The following SLC25A13 variants were observed in gnomAD, a reference collection of about 807,000 sequenced individuals.
SLC25A13 encodes electrogenic aspartate/glutamate antiporter SLC25A13, mitochondrial.
Under a neutral mutation model 85.5 loss-of-function variants are expected in SLC25A13, and 70 were observed. The observed-to-expected ratio is 0.82, with a 90% CI of 0.68 to 1.00. The LOEUF (loss-of-function observed/expected upper bound fraction) is 1.00. Ranked by LOEUF, SLC25A13 falls within the 50% of genes least tolerant of loss-of-function variation. The pLI, the probability that SLC25A13 is intolerant of heterozygous loss-of-function variation, is 0.00. For synonymous variants in SLC25A13, 259 were observed against 288.7 expected (o/e 0.90, Z 1.04); for missense variants, 765 against 819.8 (o/e 0.93, Z 0.82).
rs1481479280 is a variant in SLC25A13 at position 96,322,048 on chromosome 7, CGGCGGTGGG to C, written c.-101_-93del. On this transcript the variant is annotated 5_prime_UTR_variant, in exon 1 of 18. Transcript: ENST00000265631. Reference sequence around the variant, plus strand: ...GGCTCACTTCTAGTCCCGGCGGCGGCGGCGGTGGGGGCGGCGATACGGCCAGGCAGCGTG... The same window carrying C: ...GGCTCACTTCTAGTCCCGGCGGCGGCGGCGGCGATACGGCCAGGCAGCGTG... The C allele has an allele frequency of 2.0e-6, 3 of 1,494,168 alleles. No individual in the cohort carries two copies. The East Asian group carries it at 8.0e-5, about 40-fold the overall frequency. The allele number at this position is 1,494,168 out of a possible 1,614,324, so 92.6% of individuals were successfully genotyped here.
At chr7:96,264,010 C>T (rs947209922) in intron 3 of SLC25A13, among the ~76,000 whole-genome samples, 4 of 152,120 alleles carry the variant, frequency 2.6e-5, no homozygotes, top group East Asian at 3.9e-4. Context: ...TCCCTCATTG[C>T]GTCCTACCCA....
intron 15 of SLC25A13, among the ~76,000 whole-genome samples, chr7:96,131,234 T>C (rs1157255075): frequency 1.3e-5 from 2 of 152,376 alleles, no homozygotes; most frequent in East Asian, 1.9e-4. Flanking sequence ...TATTTCCATC[T>C]GTGATTTAAT....
Position 96,146,672 on chromosome 7 carries a change from T to G in SLC25A13, c.1336A>C (p.Thr446Pro), listed in dbSNP as rs200237622. The change falls in exon 14 of 18, where the codon ACA becomes CCA. Residue 446 changes from threonine to proline, a missense_variant. By Grantham distance (38) the Thr-to-Pro change is conservative. Transcript: ENST00000265631. ...ATCTTGACGATTTCTAAAGGATTTGTGAAAATCACCTGGGAGCCTCCAGCC... is the reference window on the plus strand; with the variant it reads ...ATCTTGACGATTTCTAAAGGATTTGGGAAAATCACCTGGGAGCCTCCAGCC... ...GCAGGSQVIF[T>P]NPLEIVKIRL... 3.5e-5 allele frequency: 56 copies of G among 1,613,920 alleles called. No homozygotes were observed. The highest frequency in any genetic ancestry group is 5.0e-5 in the Admixed American group (3 of 59,988).
At chr7:96,169,939 A>G (rs998025252) in intron 13 of SLC25A13, 106 bp downstream of exon 13, 7 of 1,151,630 alleles carry the variant, frequency 6.1e-6, no homozygotes, top group Non-Finnish European at 7.9e-6. Context: ...GCCCTTGTGC[A>G]GGATCTGTGG....
intron 9 of SLC25A13, among the ~76,000 whole-genome samples, chr7:96,188,997 A>G (rs1794739494): frequency 6.6e-6 from 1 of 152,180 alleles, no homozygotes; most frequent in African/African-American, 2.4e-5. Flanking sequence ...ATCTCTCAAC[A>G]TGAGACTTCA....
At chr7:96,300,950 T>C (rs1799527300) in intron 1 of SLC25A13, among the ~76,000 whole-genome samples, 1 of 152,244 alleles carries the variant, frequency 6.6e-6, no homozygotes, top group Admixed American at 6.5e-5. Flanking sequence ...CTTCTTGTTT[T>C]AAGTGTCATT....
intron 2 of SLC25A13, among the ~76,000 whole-genome samples, chr7:96,285,578 CT>C (rs1798854479): frequency 6.6e-6 from 1 of 152,150 alleles, no homozygotes; most frequent in South Asian, 2.1e-4. Context: ...TCCTAAGGGC[CT>C]TCCCTGACCA....
At position 96,176,006 on chromosome 7, in the gene SLC25A13, C is replaced by G. The variant is rs1794204303; in HGVS notation, c.1178-4482G>C. ...AAGGTGACTGGATTATAATCTGAGG[C>G]CCACTACAGATGTGGGCCTTGAAAA... On this transcript the variant is annotated intron_variant, in intron 11 of 17. Coordinates refer to ENST00000265631, the MANE Select transcript of SLC25A13 (RefSeq NM_014251.3). Among the ~76,000 whole-genome samples, 4 of 152,150 alleles carry G rather than the reference C, an allele frequency of 2.6e-5. No homozygotes were observed. The South Asian group carries it at 8.3e-4, about 32-fold the overall frequency.
chr7:96,208,205 T>C (rs1351130448), intron 5 of SLC25A13, among the ~76,000 whole-genome samples: 1 of 152,206 alleles, frequency 6.6e-6, no homozygotes, highest in African/African-American at 2.4e-5. Flanking sequence ...TTTTAAGTTG[T>C]AATTTTGCCC....
rs1799184482 is a variant in SLC25A13 at position 96,292,933 on chromosome 7, A to G, written c.69+3965T>C. 2.0e-5 allele frequency among the ~76,000 whole-genome samples: 3 copies of G among 152,346 alleles called. No homozygotes were observed. In the South Asian group the frequency reaches 6.2e-4, roughly 32 times the overall value. ...TCACAGAATTGGAAAAAACTACTTT[A>G]AAGTTCATATGGAACCAAAAAAGAG... On this transcript the variant is annotated intron_variant, in intron 2 of 17. Transcript: ENST00000265631.
intron 13 of SLC25A13, among the ~76,000 whole-genome samples, chr7:96,169,573 T>C (rs1207606989): frequency 7.9e-5 from 12 of 152,264 alleles, no homozygotes. Context: ...CAGCCAGTTA[T>C]TTCCCAGCAT....
chr7:96,200,648 G>A (rs1385720111), intron 5 of SLC25A13, among the ~76,000 whole-genome samples: 1 of 151,964 alleles, frequency 6.6e-6, no homozygotes, highest in African/African-American at 2.4e-5. Flanking sequence ...TGGAAGCAGT[G>A]TCACATGTGG....
chr7:96,219,594 A>C, intron 4 of SLC25A13: 1 of 474,156 alleles, frequency 2.1e-6, no homozygotes, highest in East Asian at 6.4e-5. Context: ...GTTCATTTGA[A>C]GTAGGAACTA....
chr7:96,144,986 G>A (rs1792720627), intron 14 of SLC25A13, among the ~76,000 whole-genome samples: 1 of 152,080 alleles, frequency 6.6e-6, no homozygotes, highest in African/African-American at 2.4e-5. Context: ...GACTGCAAGA[G>A]CCTAAAAATT....
chr7:96,175,262 G>T (rs1395692442), intron 11 of SLC25A13, among the ~76,000 whole-genome samples: 2 of 152,224 alleles, frequency 1.3e-5, no homozygotes, highest in Non-Finnish European at 2.9e-5. Flanking sequence ...CCAGGCAGAG[G>T]AAACAGTTGG....
intron 1 of SLC25A13, among the ~76,000 whole-genome samples, chr7:96,318,457 G>A (rs530138490): frequency 1.3e-5 from 2 of 152,146 alleles, no homozygotes; most frequent in South Asian, 2.1e-4. Context: ...ATCTAACAAG[G>A]GAACCCACAA....
intron 5 of SLC25A13, among the ~76,000 whole-genome samples, chr7:96,197,885 T>A (rs1795119681): frequency 6.6e-6 from 1 of 152,166 alleles, no homozygotes; most frequent in Non-Finnish European, 1.5e-5. Context: ...AGGCTGCCCC[T>A]CTATTTCTTT....
intron 13 of SLC25A13, among the ~76,000 whole-genome samples, chr7:96,152,737 T>C (rs1268907562): frequency 6.6e-6 from 1 of 152,032 alleles, no homozygotes; most frequent in Non-Finnish European, 1.5e-5. Context: ...CGAGAGACCA[T>C]GAAGTGATGA....
intron 3 of SLC25A13, among the ~76,000 whole-genome samples, chr7:96,263,200 T>A (rs1236487318): frequency 2.6e-5 from 4 of 151,114 alleles, no homozygotes; most frequent in African/African-American, 9.9e-5. Flanking sequence ...TTCTTCTCTT[T>A]ATTCCGTGAA....
Sources: allele counts gnomAD v4.1 joint callset (sites outside exome capture counted in the v4.1 genomes callset), GRCh38; gene constraint gnomAD v4.1.1; transcripts MANE v1.5; gene names NCBI Gene and HGNC (gene_info 2026-07-23, HGNC 2026-07-21).